Variants in COL23A1 observed in about 807,000 individuals in gnomAD.
COL23A1 encodes collagen alpha-1(XXIII) chain.
Under a neutral mutation model 99.3 loss-of-function variants are expected in COL23A1, and 97 were observed. The observed-to-expected ratio is 0.98, with a 90% CI of 0.83 to 1.16. The LOEUF is 1.16. Among genes scored for constraint, COL23A1 ranks in the 50% most tolerant of loss-of-function variants. The pLI is 0.00. For missense variants in COL23A1, 762 were observed against 757.4 expected, an observed-to-expected ratio of 1.01 and a Z score of -0.07; for synonymous variants, 320 against 308.2, an observed-to-expected ratio of 1.04 and a Z score of -0.40.
intron 12 of COL23A1, 131 bp from the exon 13 acceptor site, chr5:178,257,698 TC>T: frequency 1.1e-6 from 1 of 893,882 alleles, no homozygotes; most frequent in Non-Finnish European, 1.8e-6. Flanking sequence ...AGGCAGCTCC[TC>T]CCCACCCTCC....
At chr5:178,275,633 C>T (rs538991307) in intron 5 of COL23A1, among the ~76,000 whole-genome samples, 4 of 152,248 alleles carry the variant, frequency 2.6e-5, no homozygotes, top group African/African-American at 9.6e-5. Flanking sequence ...GCCTCAGAAT[C>T]GCGCAGGTTC....
chr5:178,543,638 A>G (rs1292581230), intron 2 of COL23A1, among the ~76,000 whole-genome samples: 1 of 152,102 alleles, frequency 6.6e-6, no homozygotes, highest in Non-Finnish European at 1.5e-5. Context: ...TGGGTGGCGG[A>G]GGCAGATACC....
At chr5:178,357,115 G>T (rs1480488855) in intron 2 of COL23A1, among the ~76,000 whole-genome samples, 1 of 152,238 alleles carries the variant, frequency 6.6e-6, no homozygotes, top group Non-Finnish European at 1.5e-5. Flanking sequence ...CTGTTCTCCT[G>T]TTCCCTTCTG....
chr5:178,344,341 G>A (rs917119605), intron 2 of COL23A1, among the ~76,000 whole-genome samples: 16 of 152,324 alleles, frequency 1.1e-4, no homozygotes, highest in African/African-American at 3.8e-4. Context: ...ATAATGGCAA[G>A]AAGAAAGGTC....
chr5:178,361,577 T>C (rs930278974), intron 2 of COL23A1, among the ~76,000 whole-genome samples: 42 of 151,918 alleles, frequency 2.8e-4, no homozygotes, highest in Admixed American at 1.3e-4. Flanking sequence ...CCTGGCCCCC[T>C]GGCCTTGTCT....
At position 178,434,577 on chromosome 5, in the gene COL23A1, G is replaced by A. The variant is rs1012628902; in HGVS notation, c.361+126105C>T. Among the ~76,000 whole-genome samples, 2 of 152,244 alleles carry A rather than the reference G, an allele frequency of 1.3e-5. No individual in the cohort carries two copies. Among genetic ancestry groups the A allele is most frequent in the Non-Finnish European group, 2.9e-5 (2 of 68,044 alleles). On this transcript the variant is annotated intron_variant, in intron 2 of 28. Transcript: ENST00000390654. The surrounding 1 kb of genome is among the most constrained non-coding windows in gnomAD (Gnocchi z 4.3). ...GCCTTCCCTGGGGCCTTCCACTGGC[G>A]CTCTTCCTGGGACCCCAGCTGGGCG... is the stretch of plus-strand genomic sequence containing the variant.
At position 178,281,923 on chromosome 5, in the gene COL23A1, G is replaced by A. The variant is rs905067505; in HGVS notation, c.441+6401C>T. On this transcript the variant is annotated intron_variant, in intron 5 of 28. Transcript: ENST00000390654. This position sits in a 1 kb window ranked among gnomAD's most constrained non-coding sequence, Gnocchi z 4.0. ...AAAAATCAGCCAGGCGTGGTGGTGC[G>A]TACCTGTAATCCTAGCTACTTGGGA... Among the ~76,000 whole-genome samples the A allele has an allele frequency of 1.3e-5, 2 of 151,726 alleles. No individual in the cohort carries two copies. The highest frequency in any genetic ancestry group is 1.9e-4 in the East Asian group (1 of 5,140).
Position 178,238,659 on chromosome 5 carries a change from T to C in COL23A1, c.*39A>G, listed in dbSNP as rs1424941158. On this transcript the variant is annotated 3_prime_UTR_variant, in exon 29 of 29. Transcript: ENST00000390654. ...TTTGTTTTTACAAAAATTAAAAATG[T>C]CCACACGGATCTGTACAGGTGTGAG... 1 of 1,611,076 alleles carries C rather than the reference T, an allele frequency of 6.2e-7. No individual in the cohort carries two copies. The highest frequency in any genetic ancestry group is 1.3e-5 in the African/African-American group (1 of 74,838).
At chr5:178,528,588 T>C (rs1581573067) in intron 2 of COL23A1, among the ~76,000 whole-genome samples, 1 of 152,000 alleles carries the variant, frequency 6.6e-6, no homozygotes, top group South Asian at 2.1e-4. Context: ...CCGAGGCGGG[T>C]GGGTCACAAG....
chr5:178,349,688 C>T (rs1761207364), intron 2 of COL23A1, among the ~76,000 whole-genome samples: 1 of 152,214 alleles, frequency 6.6e-6, no homozygotes. Flanking sequence ...ATGGACTCCA[C>T]ACCAGAGTGT....
At chr5:178,538,772 C>T (rs954770847) in intron 2 of COL23A1, among the ~76,000 whole-genome samples, 1 of 152,188 alleles carries the variant, frequency 6.6e-6, no homozygotes, top group Non-Finnish European at 1.5e-5. Context: ...CACACTTGTA[C>T]AAGAATGTTC....
At chr5:178,467,275 C>T (rs1422895741) in intron 2 of COL23A1, among the ~76,000 whole-genome samples, 1 of 152,200 alleles carries the variant, frequency 6.6e-6, no homozygotes, top group Admixed American at 6.5e-5. Context: ...GGACGCTGAC[C>T]TCTCCTTGTA....
At chr5:178,452,682 G>C (rs1456903217) in intron 2 of COL23A1, among the ~76,000 whole-genome samples, 1 of 152,160 alleles carries the variant, frequency 6.6e-6, no homozygotes, top group East Asian at 1.9e-4. Flanking sequence ...ACAATTTACA[G>C]AAAAGGGAAA....
At chr5:178,283,713 G>A (rs1345547740) in intron 5 of COL23A1, among the ~76,000 whole-genome samples, 1 of 152,250 alleles carries the variant, frequency 6.6e-6, no homozygotes, top group African/African-American at 2.4e-5. Flanking sequence ...AGGAGATGAT[G>A]AGAAAGTCTA....
intron 8 of COL23A1, 96 bp from the exon 9 acceptor site, chr5:178,263,420 C>A (rs1765745688): frequency 2.6e-6 from 2 of 756,036 alleles, no homozygotes; most frequent in South Asian, 1.8e-5. Flanking sequence ...CCATCCCCTT[C>A]CCCAGCCCTT....
chr5:178,577,035 G>A (rs1209295659), intron 1 of COL23A1, among the ~76,000 whole-genome samples: 5 of 152,054 alleles, frequency 3.3e-5, no homozygotes, highest in Admixed American at 3.3e-4. Flanking sequence ...GCGCGGTACT[G>A]CTTCTGCCTG....
At chr5:178,372,918 CTCTTTTTCTTTCTTTTTTTT>C (rs1762875646) in intron 2 of COL23A1, among the ~76,000 whole-genome samples, 1 of 59,236 alleles carries the variant, frequency 1.7e-5, no homozygotes, top group African/African-American at 1.2e-4. Flanking sequence ...TTCTTTCTTT[CTCTTTTTCTTTCTTTTTTTT>C]TTTTTTTTTG....
At chr5:178,488,030 G>T (rs1355502078) in intron 2 of COL23A1, among the ~76,000 whole-genome samples, 2 of 152,182 alleles carry the variant, frequency 1.3e-5, no homozygotes, top group Non-Finnish European at 2.9e-5. Flanking sequence ...GGATATGAAG[G>T]CATGACTTCA....
chr5:178,322,572 G>A (rs1006634321), intron 2 of COL23A1, among the ~76,000 whole-genome samples: 2 of 132,826 alleles, frequency 1.5e-5, no homozygotes, highest in African/African-American at 6.4e-5. Context: ...CTCCTGCCTG[G>A]GGGCTGCCAA....
Sources: gnomAD v4.1 joint callset for allele counts (sites outside exome capture counted in the v4.1 genomes callset) on GRCh38, gnomAD v4.1.1 for gene constraint, Gnocchi (gnomAD v3.1) non-coding constraint, MANE v1.5 for transcripts, NCBI Gene and HGNC (gene_info 2026-07-23, HGNC 2026-07-21) for gene names.